The following MOGS variants were observed in gnomAD, a reference collection of about 807,000 sequenced individuals.
MOGS encodes the protein mannosyl-oligosaccharide glucosidase.
Under a neutral mutation model 68.5 loss-of-function variants are expected in MOGS, and 45 were observed. The ratio of observed to expected loss-of-function variants is 0.66; its 90% CI spans 0.52 to 0.84. The LOEUF (loss-of-function observed/expected upper bound fraction) is 0.84. Ranked by LOEUF, MOGS falls within the 40% of genes least tolerant of loss-of-function variation. The probability of loss-of-function intolerance (pLI) is 0.00; values close to 1 mark genes in which losing one functional copy is unlikely to be tolerated. For synonymous variants in MOGS, 492 were observed against 461.2 expected (o/e 1.07, Z -0.86); for missense variants, 1,020 against 1,095.0 (o/e 0.93, Z 0.97).
chr2:74,463,229 G>A lies in MOGS; in HGVS notation c.737C>T (p.Pro246Leu), dbSNP rs1671978796. The stretch of plus-strand genomic sequence containing the variant: ...GGCTGTATCCCCTGGACTGGTTGGT[G>A]GCAAAAGTGTAAAGCGGAAGTCACC... Reference protein sequence around the residue: ...ELGDFRFTLLPPTSPGDTAPK... With the variant: ...ELGDFRFTLLLPTSPGDTAPK... Residue 246 changes from proline to leucine, a missense_variant, in exon 3 of 4, where the codon CCA becomes CTA. This residue lies in a region of MOGS where 569 missense variants were observed against 571.9 expected (regional missense o/e 0.99). Transcript: ENST00000448666. 6.2e-7 allele frequency: 1 copy of A among 1,614,140 alleles called. No homozygotes were observed. The highest frequency in any genetic ancestry group is 1.7e-5 in the Admixed American group (1 of 60,016).
chr2:74,463,627 C>G (rs1671991302), intron 2 of MOGS: 1 of 486,502 alleles, frequency 2.1e-6, no homozygotes, highest in Non-Finnish European at 3.7e-6. Flanking sequence ...ATGTCCTACA[C>G]TAAGAACTCT....
intron 3 of MOGS, 59 bp from the exon 4 acceptor site, chr2:74,463,071 A>T: frequency 1.9e-6 from 3 of 1,612,054 alleles, no homozygotes; most frequent in Non-Finnish European, 8.5e-7. Context: ...GGGCATTATA[A>T]AGAGAAATAC....
intron 2 of MOGS, among the ~76,000 whole-genome samples, chr2:74,463,985 G>A (rs1672000833): frequency 7.2e-6 from 1 of 139,390 alleles, no homozygotes; most frequent in South Asian, 2.3e-4. Flanking sequence ...TTGAGATGGA[G>A]TTTTGCTCTT....
chr2:74,464,932 C>T lies in MOGS; in HGVS notation c.316G>A (p.Gly106Ser). 1 of 1,602,576 alleles carries T rather than the reference C, an allele frequency of 6.2e-7. No individual in the cohort carries two copies. The highest frequency in any genetic ancestry group is 2.3e-5 in the East Asian group (1 of 44,418). Residue 106 changes from glycine (G) to serine (S), a missense_variant, in exon 1 of 4, where the codon GGC becomes AGC. Physicochemically the swap from Gly to Ser is moderately conservative, Grantham distance 56 (BLOSUM62 0). Transcript: ENST00000448666. Reference sequence around the variant, plus strand: ...GGCTTCGGGCTGCGGGTCTTCATGCCGAAGTAGACGTGAGGGCGGTAGGTT... The same window carrying T: ...GGCTTCGGGCTGCGGGTCTTCATGCTGAAGTAGACGTGAGGGCGGTAGGTT... ...WGTYRPHVYFGMKTRSPKPLL... is the reference protein window; with the variant it reads ...WGTYRPHVYFSMKTRSPKPLL...
Position 74,462,121 on chromosome 2 carries a change from C to CA in MOGS, c.1667dup (p.Pro557AlafsTer28). ...GTCCCCGCCAGCGGTAAGATAGTGG[C>CA]AGTGGGCCTGCCTGGCTCTGATGGA... On this transcript the variant is annotated frameshift_variant, in exon 4 of 4. Coordinates refer to ENST00000448666, the MANE Select transcript of MOGS (RefSeq NM_006302.3). LOFTEE classifies it high-confidence loss of function. The CA allele has an allele frequency of 6.2e-7, 1 of 1,614,072 alleles. No individual in the cohort carries two copies. Among genetic ancestry groups the CA allele is most frequent in the Non-Finnish European group, 8.5e-7 (1 of 1,179,928 alleles).
At position 74,464,682 on chromosome 2, in the gene MOGS, A is replaced by C; in HGVS notation, c.393T>G (p.Pro131=). 6.2e-7 allele frequency: 1 copy of C among 1,613,844 alleles called. No individual in the cohort carries two copies. The highest frequency in any genetic ancestry group is 8.5e-7 in the Non-Finnish European group (1 of 1,179,910). Residue 131 remains proline (P), a synonymous_variant, in exon 2 of 4, where the codon CCT becomes CCG. Transcript: ENST00000448666. ...CCTGCTCACACGTGTGCCTGAGCTTAGGAGTCCCCGGGGTGGTGCCCTGCT... is the reference window on the plus strand; with the variant it reads ...CCTGCTCACACGTGTGCCTGAGCTTCGGAGTCCCCGGGGTGGTGCCCTGCT... ...WAQQGTTPGT[P]KLRHTCEQGD... is the part of the protein sequence containing the mutation.
rs755904196 is a variant in MOGS at position 74,463,298 on chromosome 2, GC to G, written c.667del (p.Ala223ProfsTer5). The G allele has an allele frequency of 6.2e-7, 1 of 1,614,180 alleles. No homozygotes were observed. Among genetic ancestry groups the G allele is most frequent in the Non-Finnish European group, 8.5e-7 (1 of 1,180,038 alleles). On this transcript the variant is annotated frameshift_variant, in exon 3 of 4. Transcript: ENST00000448666. LOFTEE classifies it high-confidence loss of function. ...ACTGATAAACTTCAACTGCCCCTTG[GC>G]CCCAACCTCTGGTAGTAGGACTTCC... Reference protein sequence around the residue: ...GKEVLLPEVGAKGQLKFISGH... With the variant: ...GKEVLLPEVGXKGQLKFISGH...
chr2:74,463,044 A>T, intron 3 of MOGS, 32 bp from the exon 4 acceptor site: 1 of 1,613,562 alleles, frequency 6.2e-7, no homozygotes, highest in South Asian at 1.1e-5. Context: ...AGGAAATATT[A>T]TTCAAGAGAA....
rs931153229 is a variant in MOGS at position 74,462,974 on chromosome 2, A to G, written c.815T>C (p.Leu272Pro). The G allele has an allele frequency of 6.2e-7, 1 of 1,614,134 alleles. No individual in the cohort carries two copies. Among genetic ancestry groups the G allele is most frequent in the African/African-American group, 1.3e-5 (1 of 75,068 alleles). The change falls in exon 4 of 4, where the codon CTG becomes CCG. Residue 272 changes from leucine (L) to proline (P), a missense_variant. Transcript: ENST00000448666. ...GCGACTCTTTACCATCTCTGTCAGC[A>G]GGGGCAGTCCTGGGTTGGAGGTCCA... ...VFWTSNPGLP[L>P]LTEMVKSRLN...
chr2:74,463,395 C>A lies in MOGS; in HGVS notation c.580-9G>T, dbSNP rs754837769. The A allele has an allele frequency of 4.3e-6, 7 of 1,613,036 alleles. No individual in the cohort carries two copies. In the South Asian group the frequency reaches 6.6e-5, roughly 15 times the overall value. On this transcript the variant is annotated splice_polypyrimidine_tract_variant and intron_variant, in intron 2 of 3. Coordinates refer to ENST00000448666, the MANE Select transcript of MOGS (RefSeq NM_006302.3). ...GCAGAAGTACCTGAGTCCTGAGTGA[C>A]CAACGAGGACAGAAAAGAACAGTGT... is the stretch of plus-strand genomic sequence containing the variant.
chr2:74,462,344 C>G lies in MOGS; in HGVS notation c.1445G>C (p.Gly482Ala). 6.2e-7 allele frequency: 1 copy of G among 1,614,116 alleles called. No homozygotes were observed. The highest frequency in any genetic ancestry group is 8.5e-7 in the Non-Finnish European group (1 of 1,180,004). The change falls in exon 4 of 4, where the codon GGC becomes GCC. Residue 482 changes from glycine to alanine, a missense_variant. Coordinates refer to ENST00000448666, the MANE Select transcript of MOGS (RefSeq NM_006302.3). ...CAGTATCTGCTCCCTCCCAATCCAG[C>G]CATCAGCATTTAGCAGCCCCAGCCA... ...GHWLGLLNAD[G>A]WIGREQILGD...
chr2:74,463,651 CATTT>C, intron 2 of MOGS: 1 of 293,374 alleles, frequency 3.4e-6, no homozygotes, highest in East Asian at 9.4e-5. Flanking sequence ...CAGTTGATTT[CATTT>C]AATTCTTTTT....
intron 2 of MOGS, 183 bp downstream of exon 2, chr2:74,464,313 T>C (rs1354957859): frequency 9.8e-6 from 6 of 614,934 alleles, no homozygotes; most frequent in South Asian, 1.9e-5. Context: ...ATTATCTACA[T>C]TGTACATTTT....
At position 74,461,361 on chromosome 2, in the gene MOGS, T is replaced by A; in HGVS notation, c.2428A>T (p.Ser810Cys). Residue 810 changes from serine to cysteine, a missense_variant, in exon 4 of 4, where the codon AGT becomes TGT. By Grantham distance (112) the Ser-to-Cys change is moderately radical. This residue lies in a region of MOGS where 270 missense variants were observed against 261.3 expected (regional missense o/e 1.03). Transcript: ENST00000448666. ...CCCATGCCTCGCCCATCGCGGTCACTGTACTGCTCCCAAAGAAAGCCTGTA... is the reference window on the plus strand; with the variant it reads ...CCCATGCCTCGCCCATCGCGGTCACAGTACTGCTCCCAAAGAAAGCCTGTA... Reference protein sequence around the residue: ...QATGFLWEQYSDRDGRGMGCR... With the variant: ...QATGFLWEQYCDRDGRGMGCR... 1 of 1,614,156 alleles carries A rather than the reference T, an allele frequency of 6.2e-7. No homozygotes were observed. Among genetic ancestry groups the A allele is most frequent in the Non-Finnish European group, 8.5e-7 (1 of 1,180,048 alleles).
chr2:74,465,286 C>T lies in MOGS; in HGVS notation c.-39G>A, dbSNP rs373019129. 1.0e-5 allele frequency: 14 copies of T among 1,362,366 alleles called. No homozygotes were observed. The African/African-American group carries it at 2.1e-4, about 21-fold the overall frequency. 84.4% of individuals were successfully genotyped at this position (1,362,366 alleles called of 1,614,324 possible). On this transcript the variant is annotated 5_prime_UTR_variant, in exon 1 of 4. Coordinates refer to ENST00000448666, the MANE Select transcript of MOGS (RefSeq NM_006302.3). ...TCCGCGTCACAAGAGCTCGGAGAGG[C>T]GGCAGTGGAGCCCGGGTCCTGCCTC...
At position 74,463,253 on chromosome 2, in the gene MOGS, C is replaced by G. The variant is rs768265161; in HGVS notation, c.713G>C (p.Gly238Ala). 1.2e-6 allele frequency: 2 copies of G among 1,614,172 alleles called. No homozygotes were observed. Among genetic ancestry groups the G allele is most frequent in the South Asian group, 2.2e-5 (2 of 91,082 alleles). Residue 238 changes from glycine (G) to alanine (A), a missense_variant, in exon 3 of 4, where the codon GGT becomes GCT. Around this residue, in one of 3 missense-constraint regions of MOGS, gnomAD observed 569 missense variants for 571.9 expected, o/e 0.99. Coordinates refer to ENST00000448666, the MANE Select transcript of MOGS (RefSeq NM_006302.3). ...TGGCAAAAGTGTAAAGCGGAAGTCA[C>G]CAAGTTCACTGGTGTGCCCACTGAT... ...KFISGHTSEL[G>A]DFRFTLLPPT... is the part of the protein sequence containing the mutation.
At position 74,462,913 on chromosome 2, in the gene MOGS, G is replaced by T. The variant is rs531051730; in HGVS notation, c.876C>A (p.Ala292=). Reference sequence around the variant, plus strand: ...GCAAGCCGAGGTAGCGTTCAGGGGGGGCCCCTGGGGGCCGATGCTGAAACC... The same window carrying T: ...GCAAGCCGAGGTAGCGTTCAGGGGGTGCCCCTGGGGGCCGATGCTGAAACC... ...NSWFQHRPPG[A]PPERYLGLPG... is the part of the protein sequence containing the mutation. The change falls in exon 4 of 4, where the codon GCC becomes GCA. Residue 292 remains alanine, a synonymous_variant. Transcript: ENST00000448666. 2.2e-4 allele frequency: 356 copies of T among 1,614,164 alleles called. 2 individuals carry two copies. The South Asian group carries it at 3.6e-3, about 16-fold the overall frequency.
rs1558567322 is a variant in MOGS at position 74,465,124 on chromosome 2, C to T, written c.124G>A (p.Gly42Arg). 6.5e-7 allele frequency: 1 copy of T among 1,540,290 alleles called. No individual in the cohort carries two copies. Among genetic ancestry groups the T allele is most frequent in the Admixed American group, 2.0e-5 (1 of 51,096 alleles). Residue 42 changes from glycine (G) to arginine (R), a missense_variant, in exon 1 of 4, where the codon GGA (glycine) becomes AGA (arginine). By Grantham distance (125) the Gly-to-Arg change is moderately radical. Around this residue, in one of 3 missense-constraint regions of MOGS, gnomAD observed 569 missense variants for 571.9 expected, o/e 0.99. Transcript: ENST00000448666. ...ACCACGACGGCCAGAGCCACTCCTCCAGCCGTGCTACGCGGCCCGCCGCCC... is the reference window on the plus strand; with the variant it reads ...ACCACGACGGCCAGAGCCACTCCTCTAGCCGTGCTACGCGGCCCGCCGCCC... ...GRGGGPRSTAGGVALAVVVLS... is the reference protein window; with the variant it reads ...GRGGGPRSTARGVALAVVVLS...
At position 74,464,690 on chromosome 2, in the gene MOGS, C is replaced by A. The variant is rs755468964; in HGVS notation, c.385G>T (p.Gly129Trp). ...CACGTGTGCCTGAGCTTAGGAGTCC[C>A]CGGGGTGGTGCCCTGCTGCGCCCAC... ...LMWAQQGTTP[G>W]TPKLRHTCEQ... The change falls in exon 2 of 4, where the codon GGG becomes TGG. Residue 129 changes from glycine (G) to tryptophan (W), a missense_variant. Transcript: ENST00000448666. 3.1e-6 allele frequency: 5 copies of A among 1,613,578 alleles called. No homozygotes were observed. The East Asian group carries it at 1.1e-4, about 36-fold the overall frequency.
Sources: allele counts gnomAD v4.1 joint callset (sites outside exome capture counted in the v4.1 genomes callset), GRCh38; gene constraint gnomAD v4.1.1; regional missense constraint gnomAD v4.1.1; transcripts MANE v1.5; gene names NCBI Gene and HGNC (gene_info 2026-07-23, HGNC 2026-07-21).